The following IL1RAPL1 variants were observed in gnomAD, a reference collection of about 807,000 sequenced individuals.
IL1RAPL1 encodes the protein interleukin 1 receptor accessory protein like 1.
In IL1RAPL1, 3 loss-of-function variants were observed where a neutral mutation model predicts 48.4. The observed-to-expected ratio is 0.06, with a 90% CI of 0.03 to 0.16. The LOEUF is 0.16. Ranked by LOEUF, IL1RAPL1 falls within the 10% of genes least tolerant of loss-of-function variation. The probability of loss-of-function intolerance (pLI) is 1.00; values close to 1 mark genes in which losing one functional copy is unlikely to be tolerated. For missense variants in IL1RAPL1, 349 were observed against 530.6 expected (o/e 0.66, Z 3.36); for synonymous variants, 185 against 187.7 (o/e 0.99, Z 0.12).
At chrX:29,113,145 G>A (rs1928609236) in intron 2 of IL1RAPL1, among the ~76,000 whole-genome samples, 1 of 111,845 alleles carries the variant, frequency 8.9e-6, no homozygotes, top group Non-Finnish European at 1.9e-5. Context: ...TGTTTAGCAA[G>A]TGATTATATC....
At chrX:29,168,687 ATG>A (rs1222045010) in intron 2 of IL1RAPL1, among the ~76,000 whole-genome samples, 5,357 of 82,460 alleles carry the variant, frequency 0.065, 1,073 homozygotes, top group Non-Finnish European at 0.099. Flanking sequence ...ATATATTCAT[ATG>A]TACAATTGTA....
intron 2 of IL1RAPL1, among the ~76,000 whole-genome samples, chrX:28,809,902 G>C (rs1045949679): frequency 3.7e-5 from 4 of 107,861 alleles, no homozygotes; most frequent in African/African-American, 1.3e-4. Context: ...ACTGGTTCGG[G>C]TACAGTTTGG....
chrX:28,956,870 C>T (rs1445930369), intron 2 of IL1RAPL1, among the ~76,000 whole-genome samples: 1 of 108,177 alleles, frequency 9.2e-6, no homozygotes, highest in Non-Finnish European at 1.9e-5. Context: ...TGGTAGAATT[C>T]GACTGTGAAT....
chrX:28,650,755 T>G (rs888215917), intron 1 of IL1RAPL1, among the ~76,000 whole-genome samples: 1 of 111,821 alleles, frequency 8.9e-6, no homozygotes, highest in African/African-American at 3.3e-5. Context: ...GCCCCACCTG[T>G]GCAATTTCAC....
At chrX:29,408,053 T>C (rs1309527919) in intron 5 of IL1RAPL1, among the ~76,000 whole-genome samples, 1 of 111,749 alleles carries the variant, frequency 8.9e-6, no homozygotes, top group East Asian at 2.8e-4. Context: ...ACTATAACCC[T>C]AGTCTTCTGC....
chrX:28,899,282 T>C (rs761935204), intron 2 of IL1RAPL1, among the ~76,000 whole-genome samples: 4 of 111,438 alleles, frequency 3.6e-5, no homozygotes, highest in Non-Finnish European at 7.5e-5. Flanking sequence ...TTCAAGATGA[T>C]ATTTGGCTGG....
At chrX:29,295,503 A>G (rs1387541887) in intron 3 of IL1RAPL1, among the ~76,000 whole-genome samples, 1 of 112,019 alleles carries the variant, frequency 8.9e-6, no homozygotes, top group Admixed American at 9.5e-5. Flanking sequence ...CTCTTATTAC[A>G]CATATATGAT....
At chrX:29,649,638 C>G (rs768364797) in intron 5 of IL1RAPL1, among the ~76,000 whole-genome samples, 2 of 111,443 alleles carry the variant, frequency 1.8e-5, no homozygotes, top group African/African-American at 3.3e-5. Context: ...TGTGACAAAC[C>G]TACAGCTAAC....
intron 6 of IL1RAPL1, among the ~76,000 whole-genome samples, chrX:29,710,428 GA>G (rs1289173721): frequency 9.3e-6 from 1 of 107,335 alleles, no homozygotes; most frequent in East Asian, 2.9e-4. Flanking sequence ...ATGATTATAT[GA>G]TTTTTTTGTT....
At chrX:29,356,241 C>T (rs1933300139) in intron 3 of IL1RAPL1, among the ~76,000 whole-genome samples, 1 of 110,667 alleles carries the variant, frequency 9.0e-6, no homozygotes, top group South Asian at 3.8e-4. Context: ...TATGTGTGTA[C>T]ACGTGTGTAT....
intron 5 of IL1RAPL1, among the ~76,000 whole-genome samples, chrX:29,522,912 TTCTCTCTCTCTCTC>T (rs761878581): frequency 9.3e-6 from 1 of 107,273 alleles, no homozygotes; most frequent in East Asian, 2.9e-4. Flanking sequence ...CTCATCTGTG[TTCTCTCTCTCTCTC>T]TCTCTCTCAG....
chrX:28,960,649 C>T (rs1924743976), intron 2 of IL1RAPL1, among the ~76,000 whole-genome samples: 2 of 111,576 alleles, frequency 1.8e-5, no homozygotes, highest in Non-Finnish European at 3.8e-5. Flanking sequence ...TGCTAGAGTT[C>T]TCCAAAATTG....
chrX:28,661,522 C>T (rs1180744949), intron 1 of IL1RAPL1, among the ~76,000 whole-genome samples: 1 of 111,067 alleles, frequency 9.0e-6, no homozygotes, highest in African/African-American at 3.3e-5. Context: ...AAATTAATCA[C>T]AGTGAAAAAA....
At chrX:29,564,618 A>G (rs765531246) in intron 5 of IL1RAPL1, among the ~76,000 whole-genome samples, 3 of 112,950 alleles carry the variant, frequency 2.7e-5, no homozygotes, top group South Asian at 7.3e-4. Flanking sequence ...GTTTGGAACC[A>G]CAATTGGATT....
At chrX:29,025,887 C>T (rs766398984) in intron 2 of IL1RAPL1, among the ~76,000 whole-genome samples, 12 of 111,522 alleles carry the variant, frequency 1.1e-4, no homozygotes, top group Non-Finnish European at 1.5e-4. Context: ...GAATTTCCAA[C>T]ATCCCTGAGA....
intron 3 of IL1RAPL1, among the ~76,000 whole-genome samples, chrX:29,346,765 A>G (rs146963993): frequency 1.8e-5 from 2 of 112,403 alleles, no homozygotes; most frequent in Non-Finnish European, 3.8e-5. Flanking sequence ...TTCTCAGGGT[A>G]CACTAAATCC....
intron 3 of IL1RAPL1, among the ~76,000 whole-genome samples, chrX:29,358,635 A>T (rs1933336094): frequency 9.0e-6 from 1 of 111,101 alleles, no homozygotes. Flanking sequence ...TGACATGATT[A>T]AATCAAGCTA....
At chrX:29,044,471 T>C (rs1187014801) in intron 2 of IL1RAPL1, among the ~76,000 whole-genome samples, 1 of 110,816 alleles carries the variant, frequency 9.0e-6, no homozygotes, top group African/African-American at 3.3e-5. Context: ...ATATTTATGA[T>C]GATTTTTCCT....
At position 29,020,724 on chromosome X, in the gene IL1RAPL1, G is replaced by A. The variant is rs112230588; in HGVS notation, c.82+231299G>A. Among the ~76,000 whole-genome samples the A allele has an allele frequency of 5.2e-3, 579 of 111,586 alleles. 4 individuals are homozygous for A. The highest frequency in any genetic ancestry group is 0.018 in the African/African-American group (561 of 30,691). On this transcript the variant is annotated intron_variant, in intron 2 of 10. Coordinates refer to ENST00000378993, the MANE Select transcript of IL1RAPL1 (RefSeq NM_014271.4). ...GCTCTTAAGAAATGTGGATAAAGGA[G>A]AGGGACTGAGAACATAGGAGGGCTC...
Sources: allele counts gnomAD v4.1 joint callset (sites outside exome capture counted in the v4.1 genomes callset), GRCh38; gene constraint gnomAD v4.1.1; transcripts MANE v1.5; gene names NCBI Gene and HGNC (gene_info 2026-07-23, HGNC 2026-07-21).